Variants in ARHGAP6 observed in about 807,000 individuals in gnomAD.
The protein encoded by ARHGAP6 is rho GTPase-activating protein 6.
In ARHGAP6, 16 loss-of-function variants were observed where a neutral mutation model predicts 55.7. The ratio of observed to expected loss-of-function variants is 0.29; its 90% confidence interval spans 0.19 to 0.44. The LOEUF is 0.44. Among genes scored for constraint, ARHGAP6 ranks in the 20% least tolerant of loss-of-function variants. ARHGAP6 has a pLI of 1.00. For missense variants in ARHGAP6, 698 were observed against 808.9 expected (o/e 0.86, Z 1.66); for synonymous variants, 382 against 360.9 (o/e 1.06, Z -0.66).
chrX:11,640,375 C>T (rs756022192), intron 1 of ARHGAP6, among the ~76,000 whole-genome samples: 17 of 111,702 alleles, frequency 1.5e-4, no homozygotes, highest in South Asian at 7.5e-4. Context: ...GAAAAATTCT[C>T]GTACACTGGA....
intron 1 of ARHGAP6, among the ~76,000 whole-genome samples, chrX:11,352,785 A>G (rs2048879791): frequency 9.0e-6 from 1 of 111,611 alleles, no homozygotes; most frequent in Non-Finnish European, 1.9e-5. Flanking sequence ...GGTTTCTTAA[A>G]TGCCTGAGAA....
At chrX:11,258,148 A>G (rs1187522295) in intron 1 of ARHGAP6, among the ~76,000 whole-genome samples, 1 of 111,493 alleles carries the variant, frequency 9.0e-6, no homozygotes, top group Non-Finnish European at 1.9e-5. Context: ...GATTTGAAAT[A>G]TAGGGAAGAT....
At chrX:11,540,385 G>T (rs2051146179) in intron 1 of ARHGAP6, among the ~76,000 whole-genome samples, 1 of 111,301 alleles carries the variant, frequency 9.0e-6, no homozygotes, top group Non-Finnish European at 1.9e-5. Flanking sequence ...GGAGGAGGGG[G>T]TCCCATGCTA....
chrX:11,512,399 C>A (rs1400849510), intron 1 of ARHGAP6, among the ~76,000 whole-genome samples: 1 of 111,393 alleles, frequency 9.0e-6, no homozygotes, highest in Admixed American at 9.6e-5. Context: ...TATGTAGCAA[C>A]CTCCTCCCAG....
chrX:11,462,689 T>C (rs2050256972), intron 1 of ARHGAP6, among the ~76,000 whole-genome samples: 2 of 112,502 alleles, frequency 1.8e-5, no homozygotes, highest in East Asian at 5.6e-4. Context: ...ATTTCATCCC[T>C]CAAATCCAAT....
At chrX:11,508,049 G>A (rs765524637) in intron 1 of ARHGAP6, among the ~76,000 whole-genome samples, 10 of 112,191 alleles carry the variant, frequency 8.9e-5, no homozygotes, top group Non-Finnish European at 1.7e-4. Flanking sequence ...TAATGGAAAG[G>A]TACAAGGAAA....
At chrX:11,449,136 C>A (rs938819490) in intron 1 of ARHGAP6, among the ~76,000 whole-genome samples, 1 of 111,586 alleles carries the variant, frequency 9.0e-6, no homozygotes, top group African/African-American at 3.3e-5. Context: ...GGCCCCTAAC[C>A]CAACAAGCCA....
chrX:11,578,535 T>A (rs1466062590), intron 1 of ARHGAP6, among the ~76,000 whole-genome samples: 2 of 111,494 alleles, frequency 1.8e-5, no homozygotes, highest in Admixed American at 9.5e-5. Context: ...AAACAATAGG[T>A]GCTGGAGAGG....
rs1405154701 is a variant in ARHGAP6, at chrX:11,321,639, C to T, written c.589-66932G>A. ...AAGCCTGTGTTAAAAGAAGTTGTAACTGTCCATCACACCAAAAATGCATAG... is the reference window on the plus strand; with the variant it reads ...AAGCCTGTGTTAAAAGAAGTTGTAATTGTCCATCACACCAAAAATGCATAG... On this transcript the variant is annotated intron_variant, in intron 1 of 12. Transcript: ENST00000337414. 6.3e-5 allele frequency among the ~76,000 whole-genome samples: 7 copies of T among 111,596 alleles called. No individual in the cohort carries two copies. In the South Asian group the frequency reaches 1.1e-3, roughly 18 times the overall value.
chrX:11,506,650 T>C (rs2050736057), intron 1 of ARHGAP6, among the ~76,000 whole-genome samples: 1 of 112,149 alleles, frequency 8.9e-6, no homozygotes, highest in Admixed American at 9.5e-5. Context: ...TGATGGACAT[T>C]TGGGTTGGTT....
At chrX:11,211,645 G>A (rs746006431) in intron 2 of ARHGAP6, among the ~76,000 whole-genome samples, 3 of 110,933 alleles carry the variant, frequency 2.7e-5, no homozygotes, top group East Asian at 5.6e-4. Flanking sequence ...CTGGGTTCAA[G>A]CTATTCTTCT....
chrX:11,590,910 G>GAAAGAAAAGAAAAGA (rs1556119233), intron 1 of ARHGAP6, among the ~76,000 whole-genome samples: 5 of 83,850 alleles, frequency 6.0e-5, no homozygotes, highest in African/African-American at 2.4e-4. Context: ...AAGAAAGAAA[G>GAAAGAAAAGAAAAGA]AAAGAAAAGA....
intron 2 of ARHGAP6, among the ~76,000 whole-genome samples, chrX:11,198,578 T>C (rs975080743): frequency 4.5e-5 from 5 of 112,306 alleles, no homozygotes; most frequent in South Asian, 3.6e-4. Context: ...ATTTCAATAG[T>C]TGACCCAGCA....
At chrX:11,203,390 C>T (rs2046660037) in intron 2 of ARHGAP6, among the ~76,000 whole-genome samples, 1 of 111,643 alleles carries the variant, frequency 9.0e-6, no homozygotes, top group Admixed American at 9.5e-5. Context: ...TCAAACTGCT[C>T]TTTTCAGGGG....
chrX:11,428,483 C>T (rs1359285172), intron 1 of ARHGAP6, among the ~76,000 whole-genome samples: 1 of 112,360 alleles, frequency 8.9e-6, no homozygotes, highest in African/African-American at 3.2e-5. Flanking sequence ...CCTCCACAGC[C>T]TTGTCCTTCT....
intron 10 of ARHGAP6, chrX:11,145,038 T>G (rs2045670887): frequency 8.9e-6 from 1 of 112,176 alleles, no homozygotes; most frequent in Admixed American, 9.4e-5. Flanking sequence ...AAATGAGAAC[T>G]TGAGCAACGT....
chrX:11,381,841 C>T (rs998843670), intron 1 of ARHGAP6, among the ~76,000 whole-genome samples: 7 of 112,152 alleles, frequency 6.2e-5, no homozygotes, highest in African/African-American at 1.9e-4. Context: ...CTTTTTTATT[C>T]CAAACACTGC....
intron 1 of ARHGAP6, among the ~76,000 whole-genome samples, chrX:11,369,988 C>G (rs1055350241): frequency 1.8e-5 from 2 of 112,396 alleles, no homozygotes; most frequent in African/African-American, 6.5e-5. Flanking sequence ...GCAATTAATG[C>G]CAATTCATAG....
At chrX:11,554,210 CAT>C (rs1328941513) in intron 1 of ARHGAP6, among the ~76,000 whole-genome samples, 3 of 111,786 alleles carry the variant, frequency 2.7e-5, no homozygotes, top group Admixed American at 9.5e-5. Flanking sequence ...AGAAATACCA[CAT>C]GTTCTCACTC....
Sources: gnomAD v4.1 joint callset for allele counts (sites outside exome capture counted in the v4.1 genomes callset) on GRCh38, gnomAD v4.1.1 for gene constraint, MANE v1.5 for transcripts, NCBI Gene and HGNC (gene_info 2026-07-23, HGNC 2026-07-21) for gene names.